Variants in TSPEAR observed in about 807,000 individuals in gnomAD.
TSPEAR encodes thrombospondin type laminin G domain and EAR repeats.
Under a neutral mutation model 71.6 loss-of-function variants are expected in TSPEAR, and 69 were observed. The ratio of observed to expected loss-of-function variants is 0.96; its 90% CI spans 0.79 to 1.18. TSPEAR has a LOEUF of 1.18. TSPEAR is among the 50% of genes most tolerant of loss of function. TSPEAR has a pLI of 0.00. For synonymous variants in TSPEAR, 402 were observed against 387.2 expected, an observed-to-expected ratio of 1.04 and a Z score of -0.45; for missense variants, 971 against 894.9, an observed-to-expected ratio of 1.09 and a Z score of -1.09.
intron 1 of TSPEAR, among the ~76,000 whole-genome samples, chr21:44,689,269 G>A (rs1454774536): frequency 2.6e-5 from 4 of 152,268 alleles, no homozygotes; most frequent in South Asian, 2.1e-4. Context: ...TTGGGAGGCC[G>A]AGGCGGGCGG....
chr21:44,606,850 G>A (rs1981347953), intron 1 of TSPEAR, among the ~76,000 whole-genome samples: 1 of 152,088 alleles, frequency 6.6e-6, no homozygotes, highest in African/African-American at 2.4e-5. Context: ...GTGGTTACCA[G>A]AGGCCGGGGG....
chr21:44,529,371 T>C (rs2052921217), intron 5 of TSPEAR, among the ~76,000 whole-genome samples: 1 of 151,188 alleles, frequency 6.6e-6, no homozygotes, highest in Admixed American at 6.6e-5. Flanking sequence ...AGGGCCAGAG[T>C]GGGCCCGACT....
intron 1 of TSPEAR, chr21:44,702,543 C>G: frequency 6.2e-7 from 1 of 1,610,150 alleles, no homozygotes; most frequent in Non-Finnish European, 8.5e-7. Context: ...GGGCTTCCTC[C>G]CTGTGCTGCC....
chr21:44,574,402 A>G (rs1555923354), intron 1 of TSPEAR: 1 of 1,602,460 alleles, frequency 6.2e-7, no homozygotes, highest in Admixed American at 1.7e-5. Flanking sequence ...TCTAGCTGCC[A>G]GCCGGCTTGC....
intron 6 of TSPEAR, among the ~76,000 whole-genome samples, chr21:44,528,154 T>A (rs1379539103): frequency 2.0e-5 from 3 of 152,100 alleles, no homozygotes; most frequent in African/African-American, 7.2e-5. Flanking sequence ...ACATTTCCAA[T>A]TGAGATGCAC....
chr21:44,553,336 C>T (rs1405311091), intron 2 of TSPEAR, among the ~76,000 whole-genome samples: 2 of 151,914 alleles, frequency 1.3e-5, no homozygotes, highest in African/African-American at 2.4e-5. Flanking sequence ...AGTGAGTCTC[C>T]GATTCTAAAA....
chr21:44,508,886 G>T, intron 10 of TSPEAR: 1 of 1,457,752 alleles, frequency 6.9e-7, no homozygotes, highest in East Asian at 3.3e-5. Context: ...TCCGCACGAC[G>T]GGCATGAAGC....
At chr21:44,570,465 C>T (rs1253946543) in intron 1 of TSPEAR, among the ~76,000 whole-genome samples, 9 of 152,106 alleles carry the variant, frequency 5.9e-5, no homozygotes, top group African/African-American at 1.2e-4. Context: ...ACTCTATCAT[C>T]GGTGAGACAT....
intron 1 of TSPEAR, chr21:44,647,228 G>A (rs1555940323): frequency 1.2e-6 from 2 of 1,606,076 alleles, no homozygotes; most frequent in African/African-American, 2.7e-5. Flanking sequence ...TCCTCCTGCT[G>A]TGCCCCCACC....
intron 1 of TSPEAR, among the ~76,000 whole-genome samples, chr21:44,594,087 A>T (rs2146131803): frequency 6.6e-6 from 1 of 152,336 alleles, no homozygotes; most frequent in African/African-American, 2.4e-5. Context: ...CCACCCTGTA[A>T]GAAGTACATT....
chr21:44,514,324 G>A (rs2052490218), intron 9 of TSPEAR, among the ~76,000 whole-genome samples: 2 of 152,180 alleles, frequency 1.3e-5, no homozygotes, highest in South Asian at 2.1e-4. Flanking sequence ...CTGTATCCTT[G>A]CCTACAGCAC....
At chr21:44,614,339 C>A (rs114797358) in intron 1 of TSPEAR, among the ~76,000 whole-genome samples, 15 of 152,388 alleles carry the variant, frequency 9.8e-5, no homozygotes, top group Non-Finnish European at 2.2e-4. Context: ...GGGACAGCGC[C>A]CAGAGACACG....
chr21:44,574,831 C>A (rs782021070), intron 1 of TSPEAR: 1 of 1,614,036 alleles, frequency 6.2e-7, no homozygotes, highest in South Asian at 1.1e-5. Flanking sequence ...TGCAGACCCT[C>A]CTCCTCCGTG....
intron 9 of TSPEAR, among the ~76,000 whole-genome samples, chr21:44,512,279 G>A (rs952085156): frequency 6.0e-5 from 9 of 151,170 alleles, no homozygotes; most frequent in East Asian, 3.9e-4. Context: ...GTATGTGGAC[G>A]GCTCTGAGAC....
intron 2 of TSPEAR, among the ~76,000 whole-genome samples, chr21:44,549,439 C>T (rs987748167): frequency 4.6e-5 from 7 of 152,166 alleles, no homozygotes; most frequent in Non-Finnish European, 7.4e-5. Context: ...CCAAGTGCGG[C>T]GTGTCCACAC....
intron 1 of TSPEAR, chr21:44,573,983 C>T (rs1435412857): frequency 6.2e-7 from 1 of 1,612,506 alleles, no homozygotes; most frequent in African/African-American, 1.3e-5. Flanking sequence ...GTGAGCCCAG[C>T]CCCTGCCAAT....
At chr21:44,579,077 G>A (rs782272994) in intron 1 of TSPEAR, among the ~76,000 whole-genome samples, 4 of 152,192 alleles carry the variant, frequency 2.6e-5, no homozygotes, top group African/African-American at 4.8e-5. Flanking sequence ...ACTCTCGGGC[G>A]GGCGGCACAC....
intron 1 of TSPEAR, among the ~76,000 whole-genome samples, chr21:44,645,928 A>C (rs1217026122): frequency 6.6e-6 from 1 of 151,404 alleles, no homozygotes; most frequent in Admixed American, 6.6e-5. Flanking sequence ...TCATGAGGTC[A>C]GGAGTTCAAG....
Position 44,647,286 on chromosome 21 carries a change from C to T in TSPEAR, c.82+64147G>A, listed in dbSNP as rs781870524. 6.2e-6 allele frequency: 10 copies of T among 1,612,088 alleles called. No homozygotes were observed. In the East Asian group the frequency reaches 8.9e-5, roughly 14 times the overall value. On this transcript the variant is annotated intron_variant, in intron 1 of 11. Coordinates refer to ENST00000323084, the MANE Select transcript of TSPEAR (RefSeq NM_144991.3). Reference sequence around the variant, plus strand: ...GCCGCCCGGCCTCCTGCGTGTCCCTCCTCTGCCGCCCCGCAAGCTCCCGCC... The same window carrying T: ...GCCGCCCGGCCTCCTGCGTGTCCCTTCTCTGCCGCCCCGCAAGCTCCCGCC...
Sources: gnomAD v4.1 joint callset for allele counts (sites outside exome capture counted in the v4.1 genomes callset) on GRCh38, gnomAD v4.1.1 for gene constraint, MANE v1.5 for transcripts, NCBI Gene and HGNC (gene_info 2026-07-23, HGNC 2026-07-21) for gene names.